Variants in MALL observed in about 807,000 individuals in gnomAD.
The protein encoded by MALL is MAL-like protein.
MALL carries 2 observed loss-of-function variants against 10.3 expected under a neutral mutation model. The observed-to-expected ratio is 0.19, with a 90% CI of 0.08 to 0.61. The LOEUF is 0.61. Among genes scored for constraint, MALL ranks in the 20% least tolerant of loss-of-function variants. MALL has a pLI of 0.88. For missense variants in MALL, 39 were observed against 115.2 expected (o/e 0.34, Z 3.03); for synonymous variants, 27 against 51.8 (o/e 0.52, Z 2.05).
At chr2:110,100,803 G>A (rs576338609) in intron 1 of MALL, among the ~76,000 whole-genome samples, 185 of 152,304 alleles carry the variant, frequency 1.2e-3, no homozygotes, top group Non-Finnish European at 2.0e-3. Context: ...GGGGCCATGC[G>A]GGGGTCTGGG....
intron 1 of MALL, among the ~76,000 whole-genome samples, chr2:110,105,122 G>A (rs1277960834): frequency 1.3e-5 from 2 of 152,182 alleles, no homozygotes; most frequent in Non-Finnish European, 2.9e-5. Flanking sequence ...CTGCGGCTGA[G>A]AGTGATGAAG....
intron 1 of MALL, among the ~76,000 whole-genome samples, chr2:110,105,174 G>A (rs994055427): frequency 1.3e-5 from 2 of 152,232 alleles, no homozygotes; most frequent in African/African-American, 4.8e-5. Context: ...AGCAGAGCCA[G>A]ACTTTAGGCC....
intron 1 of MALL, among the ~76,000 whole-genome samples, chr2:110,111,574 A>G (rs1438289141): frequency 6.6e-6 from 1 of 152,186 alleles, no homozygotes; most frequent in African/African-American, 2.4e-5. Flanking sequence ...CTGCTGAAAG[A>G]AATCACAGAT....
intron 1 of MALL, among the ~76,000 whole-genome samples, chr2:110,108,079 A>G (rs1006921204): frequency 8.5e-5 from 13 of 152,140 alleles, no homozygotes; most frequent in Non-Finnish European, 1.9e-4. Flanking sequence ...GCCTATGCAA[A>G]TGAGAAGGAA....
chr2:110,115,902 A>AC (rs1029565406), upstream of MALL: 6 of 441,958 alleles, frequency 1.4e-5, no homozygotes, highest in Non-Finnish European at 2.3e-5. Flanking sequence ...GGAAAAAAAA[A>AC]AAAAACGTTC....
chr2:110,096,957 G>C (rs1214906917), intron 1 of MALL, among the ~76,000 whole-genome samples: 2 of 152,044 alleles, frequency 1.3e-5, no homozygotes, highest in African/African-American at 2.4e-5. Flanking sequence ...TGAGCAAAAT[G>C]ACAAATATAA....
chr2:110,113,166 G>A (rs536769679), intron 1 of MALL, among the ~76,000 whole-genome samples: 1 of 151,608 alleles, frequency 6.6e-6, no homozygotes, highest in Admixed American at 6.6e-5. Context: ...GGCCAGGCAC[G>A]GTGGCTCACG....
intron 1 of MALL, among the ~76,000 whole-genome samples, chr2:110,095,784 G>A (rs905332848): frequency 7.2e-5 from 11 of 152,070 alleles, no homozygotes; most frequent in African/African-American, 2.7e-4. Flanking sequence ...CAGGTTTGGA[G>A]AGGGAGGTTG....
intron 1 of MALL, among the ~76,000 whole-genome samples, chr2:110,111,123 C>T (rs764191734): frequency 9.2e-5 from 14 of 151,976 alleles, no homozygotes; most frequent in South Asian, 2.1e-4. Flanking sequence ...TACTGAATGG[C>T]GAAAAGTTGA....
At chr2:110,113,195 T>G (rs988914626) in intron 1 of MALL, among the ~76,000 whole-genome samples, 1 of 151,368 alleles carries the variant, frequency 6.6e-6, no homozygotes, top group African/African-American at 2.4e-5. Flanking sequence ...CTCAGCACTT[T>G]GGGAGGCCGA....
intron 1 of MALL, among the ~76,000 whole-genome samples, chr2:110,094,917 C>T (rs983775229): frequency 1.1e-5 from 1 of 91,676 alleles, no homozygotes; most frequent in African/African-American, 4.5e-5. Flanking sequence ...CTTGTCCTAC[C>T]TTTCACAACA....
intron 1 of MALL, among the ~76,000 whole-genome samples, chr2:110,105,336 T>C (rs1678664722): frequency 6.6e-6 from 1 of 152,224 alleles, no homozygotes; most frequent in African/African-American, 2.4e-5. Context: ...TCTTCTCTCC[T>C]GGGAGGTCTT....
chr2:110,108,159 C>T (rs1340565437), intron 1 of MALL, among the ~76,000 whole-genome samples: 1 of 151,992 alleles, frequency 6.6e-6, no homozygotes, highest in East Asian at 1.9e-4. Context: ...CACTAGTTCA[C>T]CAGTAATGGA....
chr2:110,106,537 T>A (rs774446534), intron 1 of MALL, among the ~76,000 whole-genome samples: 1 of 152,204 alleles, frequency 6.6e-6, no homozygotes, highest in Non-Finnish European at 1.5e-5. Context: ...TGTCTTTAAA[T>A]AAGAAATCTA....
chr2:110,095,180 G>A (rs1215223644), intron 1 of MALL, among the ~76,000 whole-genome samples: 6 of 152,144 alleles, frequency 3.9e-5, no homozygotes, highest in African/African-American at 1.4e-4. Context: ...TGAAAACTTT[G>A]AGTATTTGTT....
At chr2:110,116,004 C>A, upstream of MALL, 1 of 390,556 alleles carries the variant, frequency 2.6e-6, no homozygotes, top group Non-Finnish European at 4.5e-6. Flanking sequence ...CGGCGGGGGG[C>A]ACAGCGCTGG....
intron 1 of MALL, among the ~76,000 whole-genome samples, chr2:110,113,730 C>T (rs989353764): frequency 1.3e-4 from 20 of 152,032 alleles, no homozygotes; most frequent in African/African-American, 4.3e-4. Context: ...AGAAAAAGGA[C>T]ATTAGTGAGA....
intron 1 of MALL, among the ~76,000 whole-genome samples, chr2:110,100,288 AG>A (rs1406149216): frequency 6.6e-6 from 1 of 152,134 alleles, no homozygotes; most frequent in Non-Finnish European, 1.5e-5. Flanking sequence ...AGGCCAGCCT[AG>A]GCAACAAAAT....
At chr2:110,103,183 C>A (rs940021836) in intron 1 of MALL, among the ~76,000 whole-genome samples, 1 of 152,046 alleles carries the variant, frequency 6.6e-6, no homozygotes, top group Admixed American at 6.5e-5. Context: ...GGCCAGGGGA[C>A]AGGAAGTGGT....
Sources: gnomAD v4.1 joint callset for allele counts (sites outside exome capture counted in the v4.1 genomes callset) on GRCh38, gnomAD v4.1.1 for gene constraint, MANE v1.5 for transcripts, NCBI Gene and HGNC (gene_info 2026-07-23, HGNC 2026-07-21) for gene names.